NDRG2: variants seen among roughly 807,000 people sequenced by gnomAD.
NDRG2 encodes protein NDRG2.
NDRG2 carries 34 observed loss-of-function variants against 58.2 expected under a neutral mutation model. That is an observed-to-expected ratio of 0.58 (90% CI 0.44 to 0.78). NDRG2 has a LOEUF of 0.78. Among genes scored for constraint, NDRG2 ranks in the 30% least tolerant of loss-of-function variants. The pLI, the probability that NDRG2 is intolerant of heterozygous loss-of-function variation, is 0.00. For missense variants in NDRG2, 434 were observed against 471.2 expected, an observed-to-expected ratio of 0.92 and a Z score of 0.73; for synonymous variants, 187 against 175.9, an observed-to-expected ratio of 1.06 and a Z score of -0.50.
chr14:21,032,044 G>A, intron 1 of NDRG2: 9 of 1,614,140 alleles, frequency 5.6e-6, no homozygotes, highest in African/African-American at 2.7e-5. Flanking sequence ...GTGGTTACAA[G>A]GGTTCTGGCA....
At chr14:21,036,693 C>T (rs1884648644) in intron 1 of NDRG2, among the ~76,000 whole-genome samples, 1 of 152,194 alleles carries the variant, frequency 6.6e-6, no homozygotes, top group South Asian at 2.1e-4. Flanking sequence ...CTGCTGCTGT[C>T]TCCTCTACCT....
rs1879173883 is a variant in NDRG2, at chr14:21,019,956, G to T, written c.576C>A (p.Ser192=). 6.2e-7 allele frequency: 1 copy of T among 1,613,920 alleles called. No individual in the cohort carries two copies. ...GATGTCCAAGGATCATCTCCGGAAT[G>T]GAAGAGGTGAGGCCTGTTAGCTATG... ...AAHKLTGLTS[S]IPEMILGHLF... Residue 192 remains serine (S), a synonymous_variant, in exon 9 of 16, where the codon TCC becomes TCA. Coordinates refer to ENST00000556147, the MANE Select transcript of NDRG2 (RefSeq NM_001320329.2).
At chr14:21,041,562 C>T (rs771173610) in intron 1 of NDRG2, among the ~76,000 whole-genome samples, 4 of 152,148 alleles carry the variant, frequency 2.6e-5, no homozygotes, top group Non-Finnish European at 4.4e-5. Flanking sequence ...AGCACTGACC[C>T]AGATGCTCCA....
intron 1 of NDRG2, among the ~76,000 whole-genome samples, chr14:21,044,447 G>T (rs905002082): frequency 6.6e-6 from 1 of 152,162 alleles, no homozygotes; most frequent in East Asian, 1.9e-4. Context: ...AGGGACTTCC[G>T]TGGCCCTGAG....
In NDRG2 at chr14:21,034,173, T is replaced by C. The variant is rs780229036; in HGVS notation, c.25-10852A>G. ...ACCCTTTGGGTAGTTAACCCTGGGATAGTCAATGCTTAAGGTATAGAAGTT... is the reference window on the plus strand; with the variant it reads ...ACCCTTTGGGTAGTTAACCCTGGGACAGTCAATGCTTAAGGTATAGAAGTT... On this transcript the variant is annotated intron_variant, in intron 1 of 14. Coordinates refer to the NDRG2 transcript ENST00000403829. 6 of 1,614,052 alleles carry C rather than the reference T, an allele frequency of 3.7e-6. No homozygotes were observed. Among genetic ancestry groups the C allele is most frequent in the Non-Finnish European group, 3.4e-6 (4 of 1,179,950 alleles).
chr14:21,021,510 G>T, intron 6 of NDRG2: 1 of 399,474 alleles, frequency 2.5e-6, no homozygotes, highest in Non-Finnish European at 4.6e-6. Flanking sequence ...TGGTTCCTCA[G>T]GGATTATGTC....
At chr14:21,043,091 G>A (rs773316041) in intron 1 of NDRG2, 6 of 1,614,084 alleles carry the variant, frequency 3.7e-6, no homozygotes, top group Non-Finnish European at 5.1e-6. Flanking sequence ...CCAAGGGCAT[G>A]ACCTCATCAC....
chr14:21,058,562 T>C (rs747633447), intron 1 of NDRG2: 17 of 568,232 alleles, frequency 3.0e-5, no homozygotes, highest in Non-Finnish European at 5.0e-5. Context: ...CAGCCTTTCA[T>C]TGTAGCTTAC....
rs1471967643 is a variant in NDRG2, at chr14:21,024,807, G to C, written c.-784C>G. The C allele has an allele frequency of 2.0e-6, 2 of 985,478 alleles. No individual in the cohort carries two copies. The highest frequency in any genetic ancestry group is 2.4e-6 in the Non-Finnish European group (2 of 830,092). The allele number at this position is 985,478 out of a possible 1,614,324, so 61.0% of individuals were successfully genotyped here. ...TGGAGACTGACACCCTTGCGTGGCC[G>C]GTGCCAAGCGCCCCGGACCTTGCAC... On this transcript the variant is annotated 5_prime_UTR_variant, in exon 1 of 16. Coordinates refer to ENST00000556147, the MANE Select transcript of NDRG2 (RefSeq NM_001320329.2).
rs769082266 is a variant in NDRG2 at position 21,058,082 on chromosome 14, T to G, written c.24+12746A>C. ...CATCATCAATAAGTACACAGAACGG[T>G]GCAAAGACCTCAACACCTTCCTGCA... On this transcript the variant is annotated intron_variant, in intron 1 of 14. Transcript: ENST00000403829. 4 of 1,614,096 alleles carry G rather than the reference T, an allele frequency of 2.5e-6. No individual in the cohort carries two copies. In the East Asian group the frequency reaches 8.9e-5, roughly 36 times the overall value.
intron 3 of NDRG2, 44 bp downstream of exon 3, chr14:21,022,820 G>T (rs1345979613): frequency 1.2e-6 from 2 of 1,601,444 alleles, no homozygotes; most frequent in Non-Finnish European, 1.7e-6. Context: ...CTGGGGAAGA[G>T]GACAGCCCCT....
In NDRG2 at chr14:21,070,340, T is replaced by G. The variant is rs1010594296; in HGVS notation, c.24+488A>C. ...GACACGAGCGGCGGGAGGGAGGCGGTGGCGCGCCCGGCCCCGCCCGCCCGA... is the reference window on the plus strand; with the variant it reads ...GACACGAGCGGCGGGAGGGAGGCGGGGGCGCGCCCGGCCCCGCCCGCCCGA... On this transcript the variant is annotated intron_variant, in intron 1 of 14. Coordinates refer to the NDRG2 transcript ENST00000403829. This position sits in a 1 kb window ranked among gnomAD's most constrained non-coding sequence, Gnocchi z 4.7. 1 of 1,399,046 alleles carries G rather than the reference T, an allele frequency of 7.1e-7. No homozygotes were observed. Among genetic ancestry groups the G allele is most frequent in the Non-Finnish European group, 9.2e-7 (1 of 1,081,316 alleles). 86.7% of individuals were successfully genotyped at this position (1,399,046 alleles called of 1,614,324 possible).
intron 8 of NDRG2, 35 bp from the exon 9 acceptor site, chr14:21,020,011 A>G: frequency 6.3e-7 from 1 of 1,599,768 alleles, no homozygotes; most frequent in Non-Finnish European, 8.6e-7. Flanking sequence ...AGTTCAGGGT[A>G]TTGGCCAGGC....
At chr14:21,038,189 CTG>C (rs1884738873) in intron 1 of NDRG2, among the ~76,000 whole-genome samples, 1 of 152,212 alleles carries the variant, frequency 6.6e-6, no homozygotes, top group South Asian at 2.1e-4. Context: ...TTAACCATCT[CTG>C]TGGGCTGGAG....
chr14:21,018,062 G>A, intron 14 of NDRG2, 24 bp from the exon 15 acceptor site: 1 of 1,611,764 alleles, frequency 6.2e-7, no homozygotes, highest in Non-Finnish European at 8.5e-7. Flanking sequence ...AAGAGGCGAG[G>A]GAGACGGTGA....
At chr14:21,057,052 T>C (rs79350627) in intron 1 of NDRG2, among the ~76,000 whole-genome samples, 1,924 of 152,324 alleles carry the variant, frequency 0.013, 44 homozygotes, top group African/African-American at 0.044. Context: ...TGCATTTGAC[T>C]CCACGACCTT....
intron 1 of NDRG2, among the ~76,000 whole-genome samples, chr14:21,053,205 A>T (rs1053957053): frequency 6.6e-6 from 1 of 152,202 alleles, no homozygotes; most frequent in African/African-American, 2.4e-5. Context: ...CGTTATTGCC[A>T]GGTGCATTGG....
At chr14:21,033,144 G>T (rs1884356279) in intron 1 of NDRG2, 1 of 377,168 alleles carries the variant, frequency 2.7e-6, no homozygotes, top group Non-Finnish European at 5.2e-6. Context: ...AAAGAGGTTG[G>T]AAAAAGGAAG....
chr14:21,035,221 G>A (rs1243224658), intron 1 of NDRG2, among the ~76,000 whole-genome samples: 2 of 152,182 alleles, frequency 1.3e-5, no homozygotes, highest in African/African-American at 4.8e-5. Context: ...CTTCACCTGT[G>A]ACCTCAGGCC....
Sources: gnomAD v4.1 joint callset for allele counts (sites outside exome capture counted in the v4.1 genomes callset) on GRCh38, gnomAD v4.1.1 for gene constraint, Gnocchi (gnomAD v3.1) non-coding constraint, MANE v1.5 for transcripts, NCBI Gene and HGNC (gene_info 2026-07-23, HGNC 2026-07-21) for gene names.